Variants in THSD7B observed in about 807,000 individuals in gnomAD.
THSD7B encodes thrombospondin type 1 domain containing 7B, also known as thrombospondin type-1 domain-containing protein 7B.
THSD7B carries 138 observed loss-of-function variants against 213.6 expected under a neutral mutation model. The observed-to-expected ratio is 0.65, with a 90% CI of 0.56 to 0.74. The LOEUF is 0.74. THSD7B is among the 30% of genes least tolerant of loss of function. The probability of loss-of-function intolerance (pLI) is 0.00; values close to 1 mark genes in which losing one functional copy is unlikely to be tolerated. For synonymous variants in THSD7B, 742 were observed against 687.0 expected (o/e 1.08, Z -1.25); for missense variants, 1,931 against 1,991.5 (o/e 0.97, Z 0.58).
intron 2 of THSD7B, among the ~76,000 whole-genome samples, chr2:136,887,914 G>T (rs185341860): frequency 6.6e-6 from 1 of 152,174 alleles, no homozygotes; most frequent in East Asian, 1.9e-4. Flanking sequence ...AATGGATATT[G>T]ATAATAAACA....
intron 12 of THSD7B, among the ~76,000 whole-genome samples, chr2:137,300,236 G>A (rs6755721): frequency 0.062 from 9,370 of 152,166 alleles, 542 homozygotes; most frequent in African/African-American, 0.14. Context: ...CTTAACCAAA[G>A]AAAAGTTAAT....
At chr2:137,275,852 A>T in intron 11 of THSD7B, 71 bp from the exon 12 acceptor site, 2 of 1,158,402 alleles carry the variant, frequency 1.7e-6, no homozygotes, top group Non-Finnish European at 2.5e-6. Context: ...TAAACTTCAA[A>T]CATATGTAAG....
intron 2 of THSD7B, among the ~76,000 whole-genome samples, chr2:137,050,666 T>C (rs1448614655): frequency 1.3e-5 from 2 of 152,236 alleles, no homozygotes; most frequent in African/African-American, 4.8e-5. Context: ...TATGTTACTT[T>C]TGCTGTTGAA....
chr2:137,358,676 G>A (rs1328607247), intron 12 of THSD7B, among the ~76,000 whole-genome samples: 3 of 152,182 alleles, frequency 2.0e-5, no homozygotes, highest in African/African-American at 7.2e-5. Context: ...AGAGAAGCCA[G>A]TTGCAGATTG....
At chr2:137,239,776 T>A (rs2105062770) in intron 9 of THSD7B, among the ~76,000 whole-genome samples, 1 of 152,340 alleles carries the variant, frequency 6.6e-6, no homozygotes, top group Non-Finnish European at 1.5e-5. Flanking sequence ...TTTGGGCTGC[T>A]ATAACAAAAA....
intron 10 of THSD7B, among the ~76,000 whole-genome samples, chr2:137,248,953 G>A (rs1166050032): frequency 1.3e-5 from 2 of 152,170 alleles, no homozygotes; most frequent in Non-Finnish European, 1.5e-5. Context: ...TCTGATACAT[G>A]AGTGCAGGTA....
At chr2:137,264,167 A>C (rs1682520600) in intron 10 of THSD7B, among the ~76,000 whole-genome samples, 1 of 152,172 alleles carries the variant, frequency 6.6e-6, no homozygotes, top group East Asian at 1.9e-4. Context: ...ACTCAGTCAC[A>C]GATTTAAAGG....
intron 2 of THSD7B, among the ~76,000 whole-genome samples, chr2:136,939,193 C>A (rs1232542781): frequency 2.0e-5 from 3 of 152,080 alleles, no homozygotes; most frequent in African/African-American, 7.2e-5. Flanking sequence ...CCTTGACTTG[C>A]TTCACTGACT....
intron 2 of THSD7B, among the ~76,000 whole-genome samples, chr2:136,978,950 T>C (rs1365405919): frequency 6.6e-6 from 1 of 151,984 alleles, no homozygotes; most frequent in Non-Finnish European, 1.5e-5. Flanking sequence ...TCCATATTCA[T>C]TGCTTTCTTC....
At chr2:136,839,493 C>T (rs1380773946) in intron 1 of THSD7B, among the ~76,000 whole-genome samples, 2 of 152,256 alleles carry the variant, frequency 1.3e-5, no homozygotes, top group South Asian at 2.1e-4. Flanking sequence ...TTTTCTTTAG[C>T]TACAAATTCT....
At chr2:137,177,846 G>A (rs1045013947) in intron 7 of THSD7B, among the ~76,000 whole-genome samples, 15 of 151,904 alleles carry the variant, frequency 9.9e-5, no homozygotes, top group African/African-American at 1.9e-4. Flanking sequence ...CAAGGTGGGC[G>A]GATCACTTGA....
intron 2 of THSD7B, among the ~76,000 whole-genome samples, chr2:137,027,579 T>C (rs554828628): frequency 6.6e-6 from 1 of 152,276 alleles, no homozygotes; most frequent in East Asian, 1.9e-4. Context: ...GTAACAAACA[T>C]GTGCTATGAA....
chr2:137,363,422 C>G (rs1021452536), intron 12 of THSD7B, among the ~76,000 whole-genome samples: 4 of 152,088 alleles, frequency 2.6e-5, no homozygotes, highest in South Asian at 4.2e-4. Context: ...CACAAAAAAC[C>G]CTTCAAAAAA....
intron 2 of THSD7B, among the ~76,000 whole-genome samples, chr2:136,960,855 C>T (rs1189749897): frequency 2.0e-5 from 3 of 151,058 alleles, no homozygotes; most frequent in East Asian, 2.0e-4. Context: ...TTAGGGAGGC[C>T]GAGGTGGGCG....
chr2:137,105,130 A>G (rs1688222656), intron 4 of THSD7B, among the ~76,000 whole-genome samples: 1 of 152,008 alleles, frequency 6.6e-6, no homozygotes, highest in Non-Finnish European at 1.5e-5. Flanking sequence ...AGGCCAATAT[A>G]CCTGATATAT....
chr2:137,284,879 G>A lies in THSD7B; in HGVS notation c.2500+8853G>A, dbSNP rs1199868460. Among the ~76,000 whole-genome samples, 3 of 152,102 alleles carry A rather than the reference G, an allele frequency of 2.0e-5. 1 individual carries two copies. Among genetic ancestry groups the A allele is most frequent in the South Asian group, 4.2e-4 (2 of 4,758 alleles). On this transcript the variant is annotated intron_variant, in intron 12 of 27. Coordinates refer to ENST00000409968, the MANE Select transcript of THSD7B (RefSeq NM_001316349.2). ...TGCTGAAAAGAATGTATATTCTGTT[G>A]ATTTGGGGTGGAGAGTTCTGTAGAT...
At chr2:137,552,204 T>C (rs1680863014) in intron 15 of THSD7B, among the ~76,000 whole-genome samples, 1 of 152,212 alleles carries the variant, frequency 6.6e-6, no homozygotes, top group Non-Finnish European at 1.5e-5. Flanking sequence ...TTTGTGGCTT[T>C]TTTTTTCTAT....
intron 17 of THSD7B, among the ~76,000 whole-genome samples, chr2:137,589,454 A>G (rs115480090): frequency 0.02 from 3,028 of 152,222 alleles, 45 homozygotes; most frequent in Middle Eastern, 0.071. Flanking sequence ...CCCTTTCCTT[A>G]CATATAGTTG....
In THSD7B at chr2:137,281,433, GT is replaced by G. The variant is rs200451342; in HGVS notation, c.2500+5411del. 3.7e-3 allele frequency among the ~76,000 whole-genome samples: 554 copies of G among 151,596 alleles called. 5 individuals are homozygous for G. The highest frequency in any genetic ancestry group is 0.013 in the African/African-American group (520 of 41,300). ...TTTTATTATTATTATTATACTTTAAGTTTTAGGGTACATGTGCACAACATGC... is the reference window on the plus strand; with the variant it reads ...TTTTATTATTATTATTATACTTTAAGTTTAGGGTACATGTGCACAACATGC... On this transcript the variant is annotated intron_variant, in intron 12 of 27. Coordinates refer to ENST00000409968, the MANE Select transcript of THSD7B (RefSeq NM_001316349.2).
Sources: gnomAD v4.1 joint callset for allele counts (sites outside exome capture counted in the v4.1 genomes callset) on GRCh38, gnomAD v4.1.1 for gene constraint, MANE v1.5 for transcripts, NCBI Gene and HGNC (gene_info 2026-07-23, HGNC 2026-07-21) for gene names.